Variants in GPM6A observed in about 807,000 individuals in gnomAD.
The protein encoded by GPM6A is neuronal membrane glycoprotein M6-a.
GPM6A carries 7 observed loss-of-function variants against 32.1 expected under a neutral mutation model. The observed-to-expected ratio is 0.22, with a 90% confidence interval of 0.12 to 0.41. The LOEUF (loss-of-function observed/expected upper bound fraction) is 0.41. GPM6A is among the 10% of genes least tolerant of loss of function. GPM6A has a pLI of 1.00. For missense variants in GPM6A, 235 were observed against 347.2 expected (o/e 0.68, Z 2.57); for synonymous variants, 130 against 123.4 (o/e 1.05, Z -0.35).
chr4:175,850,712 A>G (rs977015939), intron 1 of GPM6A, among the ~76,000 whole-genome samples: 1 of 151,910 alleles, frequency 6.6e-6, no homozygotes, highest in Non-Finnish European at 1.5e-5. Flanking sequence ...TGTAAAATAA[A>G]TAAGTATGTA....
At chr4:175,995,967 T>A (rs1280851346) in intron 1 of GPM6A, among the ~76,000 whole-genome samples, 3 of 148,706 alleles carry the variant, frequency 2.0e-5, no homozygotes, top group Non-Finnish European at 4.4e-5. Flanking sequence ...GCATGGATAG[T>A]GAGCATTGAG....
chr4:175,766,007 G>T (rs994530861), intron 1 of GPM6A, among the ~76,000 whole-genome samples: 1 of 151,992 alleles, frequency 6.6e-6, no homozygotes, highest in African/African-American at 2.4e-5. Flanking sequence ...CCAACATTAG[G>T]GTGTCCTTTG....
intron 3 of GPM6A, among the ~76,000 whole-genome samples, chr4:175,665,865 C>T (rs949095658): frequency 3.3e-5 from 5 of 150,772 alleles, no homozygotes; most frequent in Admixed American, 1.3e-4. Context: ...TTGGTGAGTA[C>T]TAACAATATA....
chr4:175,703,740 G>T (rs544548581), intron 1 of GPM6A, among the ~76,000 whole-genome samples: 71 of 152,164 alleles, frequency 4.7e-4, no homozygotes, highest in Non-Finnish European at 1.2e-4. Context: ...TACTGGTGAG[G>T]CACTATGTGC....
At chr4:175,965,882 G>A (rs1037354105) in intron 1 of GPM6A, among the ~76,000 whole-genome samples, 13 of 151,790 alleles carry the variant, frequency 8.6e-5, no homozygotes, top group Admixed American at 4.6e-4. Flanking sequence ...AAAGTGCTGG[G>A]ATTACAGGCG....
At chr4:175,699,652 G>A (rs372455312) in intron 2 of GPM6A, among the ~76,000 whole-genome samples, 51 of 152,024 alleles carry the variant, frequency 3.4e-4, no homozygotes, top group African/African-American at 1.2e-3. Context: ...ATGTATGTGT[G>A]GGGGGTGGAG....
intron 4 of GPM6A, among the ~76,000 whole-genome samples, chr4:175,645,644 C>T (rs1246436134): frequency 2.0e-5 from 3 of 152,232 alleles, no homozygotes; most frequent in African/African-American, 7.2e-5. Flanking sequence ...TTGCTTGAAC[C>T]TGGGAGGCAG....
At chr4:175,863,086 G>C (rs971307731) in intron 1 of GPM6A, among the ~76,000 whole-genome samples, 1 of 151,832 alleles carries the variant, frequency 6.6e-6, no homozygotes, top group Non-Finnish European at 1.5e-5. Context: ...TGTATTAAAG[G>C]TTAATTGAAA....
At chr4:175,785,749 C>A (rs1733774140) in intron 1 of GPM6A, among the ~76,000 whole-genome samples, 1 of 152,046 alleles carries the variant, frequency 6.6e-6, no homozygotes, top group African/African-American at 2.4e-5. Flanking sequence ...AAAATAGATG[C>A]AGATAAATCA....
intron 1 of GPM6A, among the ~76,000 whole-genome samples, chr4:175,795,395 T>C (rs1734179530): frequency 6.6e-6 from 1 of 152,206 alleles, no homozygotes; most frequent in Non-Finnish European, 1.5e-5. Context: ...ACTTTTTGAC[T>C]TGCTTCTAAT....
At chr4:175,645,788 T>C (rs1741430143) in intron 4 of GPM6A, among the ~76,000 whole-genome samples, 2 of 152,158 alleles carry the variant, frequency 1.3e-5, no homozygotes, top group Non-Finnish European at 2.9e-5. Flanking sequence ...CAGATACTTA[T>C]GACACTCTGA....
intron 1 of GPM6A, among the ~76,000 whole-genome samples, chr4:175,819,543 C>A (rs1429145731): frequency 6.6e-6 from 1 of 152,184 alleles, no homozygotes; most frequent in Admixed American, 6.5e-5. Context: ...AAGTGTATAT[C>A]CCATTTAACC....
At chr4:175,944,564 G>C (rs112796718) in intron 1 of GPM6A, among the ~76,000 whole-genome samples, 8 of 152,148 alleles carry the variant, frequency 5.3e-5, no homozygotes, top group Non-Finnish European at 1.2e-4. Context: ...AACAGACACA[G>C]ATTATTACCA....
At chr4:175,665,590 C>A (rs1742704802) in intron 3 of GPM6A, among the ~76,000 whole-genome samples, 1 of 151,926 alleles carries the variant, frequency 6.6e-6, no homozygotes, top group Non-Finnish European at 1.5e-5. Context: ...TTGAGACCAG[C>A]CTGACCAACA....
intron 1 of GPM6A, among the ~76,000 whole-genome samples, chr4:175,759,877 G>A (rs912591987): frequency 1.3e-5 from 2 of 152,112 alleles, no homozygotes; most frequent in African/African-American, 4.8e-5. Context: ...ATACAAGAAT[G>A]TTATGTTTTA....
At chr4:175,909,049 G>GGC (rs1554000503) in intron 1 of GPM6A, among the ~76,000 whole-genome samples, 1 of 81,764 alleles carries the variant, frequency 1.2e-5, no homozygotes, top group East Asian at 4.6e-4. Context: ...GGGCGGGGGG[G>GGC]GGGCAACTAG....
chr4:175,816,217 G>C (rs558125141), upstream of GPM6A, among the ~76,000 whole-genome samples: 1 of 152,198 alleles, frequency 6.6e-6, no homozygotes, highest in East Asian at 1.9e-4. Context: ...ACAAATATAA[G>C]TTAACTAGGT....
At chr4:175,939,713 C>T (rs145077619) in intron 1 of GPM6A, among the ~76,000 whole-genome samples, 67 of 152,208 alleles carry the variant, frequency 4.4e-4, no homozygotes, top group Non-Finnish European at 7.4e-4. Flanking sequence ...TTGTAATAAA[C>T]TACATATGAA....
chr4:175,765,291 C>G (rs1286205683), intron 1 of GPM6A, among the ~76,000 whole-genome samples: 1 of 152,140 alleles, frequency 6.6e-6, no homozygotes, highest in African/African-American at 2.4e-5. Context: ...TGGCATTGCA[C>G]TAGACCAAAC....
Sources: gnomAD v4.1 joint callset for allele counts (sites outside exome capture counted in the v4.1 genomes callset) on GRCh38, gnomAD v4.1.1 for gene constraint, MANE v1.5 for transcripts, NCBI Gene and HGNC (gene_info 2026-07-23, HGNC 2026-07-21) for gene names.